Variants in OTOF observed in about 807,000 individuals in gnomAD.
OTOF encodes the protein otoferlin.
In OTOF, 218 loss-of-function variants were observed where a neutral mutation model predicts 236.8. The observed-to-expected ratio is 0.92, with a 90% CI of 0.82 to 1.03. OTOF has a LOEUF of 1.03. Among genes scored for constraint, OTOF ranks in the 50% least tolerant of loss-of-function variants. OTOF has a pLI of 0.00. For synonymous variants in OTOF, 1,041 were observed against 1,072.5 expected (o/e 0.97, Z 0.57); for missense variants, 2,590 against 2,694.4 (o/e 0.96, Z 0.86).
chr2:26,466,101 G>T, intron 36 of OTOF, 25 bp from the exon 37 acceptor site: 1 of 1,614,006 alleles, frequency 6.2e-7, no homozygotes, highest in South Asian at 1.1e-5. Flanking sequence ...AGGGCTGCCT[G>T]AGCAGGCTCC....
rs1308398905 is a variant in OTOF, at chr2:26,464,949, C to G, written c.4880G>C (p.Gly1627Ala). The change falls in exon 39 of 47, where the codon GGC (glycine) becomes GCC (alanine). Residue 1627 changes from glycine to alanine, a missense_variant. Gly to Ala is a moderately conservative substitution (Grantham distance 60). Coordinates refer to ENST00000272371, the MANE Select transcript of OTOF (RefSeq NM_194248.3). ...TRLCKDGKVD[G>A]PHFGPPGRVK... ...TCTCCCAGGGGGCCCAAAGTGGGGGCCGTCCACTTTGCCGTCTTTGCAGAG... is the reference window on the plus strand; with the variant it reads ...TCTCCCAGGGGGCCCAAAGTGGGGGGCGTCCACTTTGCCGTCTTTGCAGAG... 3 of 1,574,698 alleles carry G rather than the reference C, an allele frequency of 1.9e-6. No individual in the cohort carries two copies. The East Asian group carries it at 6.9e-5, about 36-fold the overall frequency.
At chr2:26,523,394 G>A (rs1440680386) in intron 3 of OTOF, among the ~76,000 whole-genome samples, 1 of 152,138 alleles carries the variant, frequency 6.6e-6, no homozygotes, top group Non-Finnish European at 1.5e-5. Context: ...GAACCACTGG[G>A]TGAGGGGCCA....
At chr2:26,495,100 A>G (rs766170824) in intron 8 of OTOF, 27 bp from the exon 9 acceptor site, 1 of 1,613,718 alleles carries the variant, frequency 6.2e-7, no homozygotes, top group South Asian at 1.1e-5. Context: ...GGGGAGCCAG[A>G]AGGAAAGCTG....
intron 1 of OTOF, among the ~76,000 whole-genome samples, chr2:26,550,449 C>T (rs1039531370): frequency 6.6e-6 from 1 of 152,158 alleles, no homozygotes; most frequent in African/African-American, 2.4e-5. Context: ...CTGTTCTGTG[C>T]CAGGCTCCAT....
Position 26,479,349 on chromosome 2 carries a change from G to C in OTOF, c.2129C>G (p.Pro710Arg), listed in dbSNP as rs747718052. 9.4e-5 allele frequency: 151 copies of C among 1,612,788 alleles called. No individual in the cohort carries two copies. The highest frequency in any genetic ancestry group is 1.2e-4 in the Non-Finnish European group (139 of 1,179,972). The change falls in exon 18 of 47, where the codon CCC becomes CGC. Residue 710 changes from proline (P) to arginine (R), a missense_variant. By Grantham distance (103) the Pro-to-Arg change is moderately radical (BLOSUM62 -2). This residue lies in a region of OTOF where 1,379 missense variants were observed against 1,341.6 expected (regional missense o/e 1.03). Transcript: ENST00000272371. ...YFHLPYLERK[P>R]CIYIKSWWPD... ...CCACCAGCTCTTGATGTAGATGCAGGGCTTTCGCTCCAGGTAGGGCAGATG... is the reference window on the plus strand; with the variant it reads ...CCACCAGCTCTTGATGTAGATGCAGCGCTTTCGCTCCAGGTAGGGCAGATG...
intron 36 of OTOF, 130 bp downstream of exon 36, chr2:26,466,584 G>A: frequency 9.3e-7 from 1 of 1,077,792 alleles, no homozygotes; most frequent in Non-Finnish European, 1.4e-6. Flanking sequence ...TGATCCTCCT[G>A]CCTTGGCCTC....
intron 1 of OTOF, among the ~76,000 whole-genome samples, chr2:26,541,146 G>C (rs1402841453): frequency 6.6e-6 from 1 of 152,192 alleles, no homozygotes; most frequent in Non-Finnish European, 1.5e-5. Flanking sequence ...GAAAAATGCA[G>C]CAACCCAGCG....
rs1319331304 is a variant in OTOF at position 26,457,743 on chromosome 2, C to T, written c.*495G>A. 2.4e-6 allele frequency: 1 copy of T among 421,656 alleles called. No homozygotes were observed. Among genetic ancestry groups the T allele is most frequent in the African/African-American group, 2.0e-5 (1 of 50,306 alleles). 26.1% of individuals were successfully genotyped at this position (421,656 alleles called of 1,614,324 possible). ...GGTTTCAGGAGTCTTCCTCTGGAGC[C>T]TGGGCCTGAAGAAGGGTGGCGCCTC... On this transcript the variant is annotated 3_prime_UTR_variant, in exon 47 of 47. Coordinates refer to ENST00000272371, the MANE Select transcript of OTOF (RefSeq NM_194248.3). This position sits in a 1 kb window ranked among gnomAD's most constrained non-coding sequence, Gnocchi z 4.4.
At chr2:26,517,074 G>A (rs1049160124) in intron 4 of OTOF, among the ~76,000 whole-genome samples, 5 of 152,194 alleles carry the variant, frequency 3.3e-5, no homozygotes, top group African/African-American at 9.7e-5. Flanking sequence ...TCCGGGAGAG[G>A]AGCCCAGGGC....
chr2:26,549,280 A>T (rs1376640478), intron 1 of OTOF, among the ~76,000 whole-genome samples: 1 of 152,178 alleles, frequency 6.6e-6, no homozygotes, highest in Non-Finnish European at 1.5e-5. Flanking sequence ...ATGTATTGAG[A>T]CTTGTCTAAT....
intron 5 of OTOF, among the ~76,000 whole-genome samples, chr2:26,511,983 G>T (rs539702317): frequency 6.6e-5 from 10 of 152,110 alleles, no homozygotes; most frequent in African/African-American, 2.4e-4. Flanking sequence ...CCATGCACAC[G>T]TGCCCCACTG....
At chr2:26,485,238 T>G (rs1287354354) in intron 11 of OTOF, among the ~76,000 whole-genome samples, 1 of 152,248 alleles carries the variant, frequency 6.6e-6, no homozygotes, top group African/African-American at 2.4e-5. Context: ...ATTCCTGTTC[T>G]CTCCACCTCC....
At chr2:26,548,060 A>G (rs1667375906) in intron 1 of OTOF, among the ~76,000 whole-genome samples, 1 of 152,168 alleles carries the variant, frequency 6.6e-6, no homozygotes, top group Non-Finnish European at 1.5e-5. Flanking sequence ...GAGTTGTAGA[A>G]TTTATTGAGG....
At chr2:26,519,333 C>A (rs1553360849) in intron 3 of OTOF, among the ~76,000 whole-genome samples, 1 of 152,208 alleles carries the variant, frequency 6.6e-6, no homozygotes, top group East Asian at 1.9e-4. Context: ...CTTGGGAGAG[C>A]TCCAAGGGGC....
chr2:26,494,734 C>T (rs1325320462), intron 9 of OTOF, among the ~76,000 whole-genome samples: 3 of 151,782 alleles, frequency 2.0e-5, no homozygotes, highest in Non-Finnish European at 2.9e-5. Flanking sequence ...AGACCAGTGT[C>T]GGCCTGTGCT....
rs1665520146 is a variant in OTOF at position 26,480,860 on chromosome 2, T to A, written c.1729A>T (p.Ile577Phe). Residue 577 changes from isoleucine (I) to phenylalanine (F), a missense_variant, in exon 15 of 47, where the codon ATC (isoleucine) becomes TTC (phenylalanine). Transcript: ENST00000272371. ...AGCTCAGGGTTGGAGGTGTCTACGATCTCCACAGCCAGGCCCAGCAGGAGC... is the reference window on the plus strand; with the variant it reads ...AGCTCAGGGTTGGAGGTGTCTACGAACTCCACAGCCAGGCCCAGCAGGAGC... The part of the protein sequence containing the change: ...ARLLLGLAVE[I>F]VDTSNPELTS... 6.2e-7 allele frequency: 1 copy of A among 1,612,600 alleles called. No homozygotes were observed. The highest frequency in any genetic ancestry group is 1.1e-5 in the South Asian group (1 of 91,066).
Position 26,467,153 on chromosome 2 carries a change from G to C in OTOF, c.4308C>G (p.Thr1436=), listed in dbSNP as rs558685914. Residue 1436 remains threonine (T), a synonymous_variant, in exon 35 of 47, where the codon ACC becomes ACG. Transcript: ENST00000272371. The part of the protein sequence containing the change: ...LHTFNLLRGK[T]GDDEDGSTEE... The stretch of plus-strand genomic sequence containing the variant: ...CGGTGGAGCCATCCTCATCATCCCC[G>C]GTCTTGCCCCGAAGCAAGTTGAAAG... The C allele has an allele frequency of 1.2e-6, 2 of 1,614,028 alleles. No individual in the cohort carries two copies. Among genetic ancestry groups the C allele is most frequent in the African/African-American group, 2.7e-5 (2 of 75,008 alleles).
At chr2:26,495,202 C>A in intron 8 of OTOF, 129 bp from the exon 9 acceptor site, 2 of 853,716 alleles carry the variant, frequency 2.3e-6, no homozygotes, top group Admixed American at 2.2e-5. Context: ...GCCTCCTGGG[C>A]TCCATTCTGA....
Position 26,519,082 on chromosome 2 carries a change from C to A in OTOF, c.255G>T (p.Leu85=). 6.2e-7 allele frequency: 1 copy of A among 1,605,870 alleles called. No individual in the cohort carries two copies. Among genetic ancestry groups the A allele is most frequent in the Non-Finnish European group, 8.5e-7 (1 of 1,174,954 alleles). The change falls in exon 4 of 47, where the codon CTG becomes CTT. Residue 85 remains leucine, a synonymous_variant. Coordinates refer to ENST00000272371, the MANE Select transcript of OTOF (RefSeq NM_194248.3). ...NKLIGTFRMV[L]QKVVEESHVE... ...CATGGCTCTCCTCTACCACCTTCTG[C>A]AGCACCATGCGGAAGGTCCCGATGA...
Sources: gnomAD v4.1 joint callset for allele counts (sites outside exome capture counted in the v4.1 genomes callset) on GRCh38, gnomAD v4.1.1 for gene constraint, gnomAD v4.1.1 regional missense constraint, Gnocchi (gnomAD v3.1) non-coding constraint, MANE v1.5 for transcripts, NCBI Gene and HGNC (gene_info 2026-07-23, HGNC 2026-07-21) for gene names.